The following PITPNM2 variants were observed in gnomAD, a reference collection of about 807,000 sequenced individuals.
PITPNM2 encodes membrane-associated phosphatidylinositol transfer protein 2.
A neutral mutation model predicts 132.2 loss-of-function variants in PITPNM2; 35 were observed. The observed-to-expected ratio is 0.26, with a 90% CI of 0.20 to 0.35. PITPNM2 has a LOEUF of 0.35. PITPNM2 is among the 10% of genes least tolerant of loss of function. PITPNM2 has a pLI of 1.00. For synonymous variants in PITPNM2, 738 were observed against 799.2 expected (o/e 0.92, Z 1.29); for missense variants, 1,332 against 1,912.0 (o/e 0.70, Z 5.66).
chr12:123,040,480 A>G (rs2040426333), intron 2 of PITPNM2, among the ~76,000 whole-genome samples: 1 of 152,212 alleles, frequency 6.6e-6, no homozygotes, highest in Non-Finnish European at 1.5e-5. Flanking sequence ...ATGGTATGTT[A>G]TTATACTTCA....
At chr12:123,003,912 T>C (rs2038804088) in intron 8 of PITPNM2, among the ~76,000 whole-genome samples, 1 of 152,244 alleles carries the variant, frequency 6.6e-6, no homozygotes. Context: ...TGCGCTTATT[T>C]TGGGACTAGT....
At chr12:122,997,667 G>T in intron 10 of PITPNM2, 95 bp from the exon 11 acceptor site, 1 of 1,501,732 alleles carries the variant, frequency 6.7e-7, no homozygotes, top group Non-Finnish European at 9.0e-7. Flanking sequence ...CCTCTTGCAC[G>T]CAGCCCAACT....
chr12:123,053,637 G>A (rs1000156369), intron 2 of PITPNM2, among the ~76,000 whole-genome samples: 5 of 144,454 alleles, frequency 3.5e-5, no homozygotes, highest in Admixed American at 1.4e-4. Flanking sequence ...GCGTGATCTC[G>A]GCTCACCAAA....
Position 122,985,859 on chromosome 12 carries a change from G to A in PITPNM2, c.*168C>T. 3 of 600,882 alleles carry A rather than the reference G, an allele frequency of 5.0e-6. No individual in the cohort carries two copies. The highest frequency in any genetic ancestry group is 7.6e-6 in the Non-Finnish European group (3 of 394,060). 37.2% of individuals were successfully genotyped at this position (600,882 alleles called of 1,614,324 possible). On this transcript the variant is annotated 3_prime_UTR_variant, in exon 26 of 26. Coordinates refer to ENST00000320201, the MANE Select transcript of PITPNM2 (RefSeq NM_020845.3). ...ACAAGCCGGACCCGTCAGGCCCGAG[G>A]ACGTGAGGCAGGGCAGGGAGCACTG...
intron 20 of PITPNM2, 58 bp from the exon 21 acceptor site, chr12:122,987,959 G>T: frequency 6.8e-7 from 1 of 1,469,786 alleles, no homozygotes; most frequent in Non-Finnish European, 9.4e-7. Flanking sequence ...GGGTCCCTGT[G>T]TTCTGCTCAA....
chr12:122,989,994 G>A (rs1248960636), intron 17 of PITPNM2, 46 bp from the exon 18 acceptor site: 16 of 1,277,546 alleles, frequency 1.3e-5, no homozygotes, highest in South Asian at 2.8e-5. Context: ...GGGGATGACC[G>A]CACTGCCACG....
At chr12:123,043,756 C>G (rs1392274387) in intron 2 of PITPNM2, among the ~76,000 whole-genome samples, 1 of 152,228 alleles carries the variant, frequency 6.6e-6, no homozygotes, top group Non-Finnish European at 1.5e-5. Context: ...TGGTACAGAC[C>G]ACAGAGCAGG....
chr12:123,037,712 C>T (rs1377682413), intron 2 of PITPNM2, among the ~76,000 whole-genome samples: 1 of 152,190 alleles, frequency 6.6e-6, no homozygotes, highest in Non-Finnish European at 1.5e-5. Flanking sequence ...AGATTCCAGG[C>T]TCACCAGGCA....
chr12:123,073,340 C>A (rs142367017), intron 2 of PITPNM2, among the ~76,000 whole-genome samples: 11 of 152,328 alleles, frequency 7.2e-5, no homozygotes, highest in Non-Finnish European at 1.6e-4. Context: ...CTGTGTCCCT[C>A]CTGCTCTCTG....
Position 122,995,550 on chromosome 12 carries a change from ACCACTACTGCCACCACCACCACTGCTG to A in PITPNM2, c.1866_1892del (p.Ser623_Gly631del). ...GCCGACTGCTCTCCAGGCTGGAGCC[ACCACTACTGCCACCACCACCACTGCTG>A]CCACCACCGCCACCGCCGCCACCGC... is the stretch of plus-strand genomic sequence containing the variant. On this transcript the variant is annotated inframe_deletion, in exon 14 of 26. Coordinates refer to ENST00000320201, the MANE Select transcript of PITPNM2 (RefSeq NM_020845.3). The A allele has an allele frequency of 6.2e-7, 1 of 1,610,062 alleles. No individual in the cohort carries two copies. Among genetic ancestry groups the A allele is most frequent in the Non-Finnish European group, 8.5e-7 (1 of 1,179,878 alleles).
chr12:123,092,792 C>T (rs1406671733), intron 2 of PITPNM2: 1 of 152,320 alleles, frequency 6.6e-6, no homozygotes, highest in Non-Finnish European at 1.5e-5. Flanking sequence ...AACTCCTTCT[C>T]CCTCTCAGTG....
Position 123,001,139 on chromosome 12 carries a change from C to T in PITPNM2, c.1068G>A (p.Glu356=), listed in dbSNP as rs1255702623. ...FDAHEDLSDT[E]EMFPKDITKW... ...TGGTGATGTCCTTGGGGAACATTTCCTCTGTGTCGGACAGGTCCTCTGGAG... is the reference window on the plus strand; with the variant it reads ...TGGTGATGTCCTTGGGGAACATTTCTTCTGTGTCGGACAGGTCCTCTGGAG... The change falls in exon 9 of 26, where the codon GAG becomes GAA. Residue 356 remains glutamate, a synonymous_variant. Coordinates refer to ENST00000320201, the MANE Select transcript of PITPNM2 (RefSeq NM_020845.3). The T allele has an allele frequency of 3.1e-6, 5 of 1,614,158 alleles. No individual in the cohort carries two copies. In the African/African-American group the frequency reaches 4.0e-5, roughly 13 times the overall value.
intron 1 of PITPNM2, among the ~76,000 whole-genome samples, chr12:123,116,155 T>C (rs1408002806): frequency 6.6e-6 from 1 of 152,218 alleles, no homozygotes; most frequent in African/African-American, 2.4e-5. Flanking sequence ...GAAGTAACAC[T>C]GTGCCAGGTT....
chr12:122,997,326 T>C lies in PITPNM2; in HGVS notation c.1471A>G (p.Asn491Asp). Residue 491 changes from asparagine to aspartate, a missense_variant and splice_region_variant, in exon 11 of 26, where the codon AAC (asparagine) becomes GAC (aspartate). Physicochemically the swap from Asn to Asp is conservative, Grantham distance 23. Transcript: ENST00000320201. The part of the protein sequence containing the change: ...VCSDAFALVS[N>D]LSPYSHDEGC... Reference sequence around the variant, plus strand: ...CAATCAAGGGCAGATGCCACTCACTTGGAGACCAGGGCAAAGGCGTCAGAG... The same window carrying C: ...CAATCAAGGGCAGATGCCACTCACTCGGAGACCAGGGCAAAGGCGTCAGAG... The C allele has an allele frequency of 6.2e-7, 1 of 1,612,612 alleles. No homozygotes were observed. The highest frequency in any genetic ancestry group is 1.1e-5 in the South Asian group (1 of 91,008).
intron 13 of PITPNM2, 143 bp from the exon 14 acceptor site, chr12:122,995,803 G>A: frequency 8.5e-7 from 1 of 1,178,624 alleles, no homozygotes; most frequent in Non-Finnish European, 1.2e-6. Context: ...AGAGGGGAGG[G>A]CCCCATTCCC....
chr12:123,005,438 T>C lies in PITPNM2; in HGVS notation c.754A>G (p.Met252Val). ...IRELEKEAQL[M>V]LSRKMAQFNE... ...AACTGGGCCATCTTACGGGAAAGCA[T>C]GAGCTGTGCCTCCTTCTCCAGCTCC... The change falls in exon 7 of 26, where the codon ATG (methionine) becomes GTG (valine). Residue 252 changes from methionine (M) to valine (V), a missense_variant. Around this residue, in one of 6 missense-constraint regions of PITPNM2, gnomAD observed 122 missense variants for 209.6 expected, o/e 0.58. Coordinates refer to ENST00000320201, the MANE Select transcript of PITPNM2 (RefSeq NM_020845.3). The surrounding 1 kb of genome is among the most constrained non-coding windows in gnomAD (Gnocchi z 6.2). The C allele has an allele frequency of 6.2e-7, 1 of 1,613,714 alleles. No homozygotes were observed. Among genetic ancestry groups the C allele is most frequent in the Non-Finnish European group, 8.5e-7 (1 of 1,179,646 alleles).
At chr12:122,987,232 A>G (rs781280360) in intron 23 of PITPNM2, 49 bp downstream of exon 23, 1 of 1,600,216 alleles carries the variant, frequency 6.2e-7, no homozygotes, top group Non-Finnish European at 8.5e-7. Flanking sequence ...GGAGCCCCTG[A>G]GCCCACCCAC....
intron 2 of PITPNM2, among the ~76,000 whole-genome samples, chr12:123,085,463 C>T (rs569584599): frequency 5.9e-5 from 9 of 152,184 alleles, no homozygotes; most frequent in South Asian, 4.2e-4. Context: ...ATCTAGAAGA[C>T]GCAAATCCAT....
intron 14 of PITPNM2, among the ~76,000 whole-genome samples, 185 bp from the exon 15 acceptor site, chr12:122,995,164 A>C (rs1184011246): frequency 6.6e-6 from 1 of 151,890 alleles, no homozygotes; most frequent in African/African-American, 2.4e-5. Flanking sequence ...CCTCACCCTC[A>C]AGACAAGTTG....
Sources: gnomAD v4.1 joint callset for allele counts (sites outside exome capture counted in the v4.1 genomes callset) on GRCh38, gnomAD v4.1.1 for gene constraint, gnomAD v4.1.1 regional missense constraint, Gnocchi (gnomAD v3.1) non-coding constraint, MANE v1.5 for transcripts, NCBI Gene and HGNC (gene_info 2026-07-23, HGNC 2026-07-21) for gene names.